The following PPP1CC variants were observed in gnomAD, a reference collection of about 807,000 sequenced individuals.
PPP1CC encodes the protein protein phosphatase 1 catalytic subunit gamma.
In PPP1CC, 16 loss-of-function variants were observed where a neutral mutation model predicts 38.4. The ratio of observed to expected loss-of-function variants is 0.42; its 90% CI spans 0.28 to 0.63. The LOEUF is 0.63. Among genes scored for constraint, PPP1CC ranks in the 30% least tolerant of loss-of-function variants. The pLI, the probability that PPP1CC is intolerant of heterozygous loss-of-function variation, is 0.25. For synonymous variants in PPP1CC, 158 were observed against 136.0 expected (o/e 1.16, Z -1.13); for missense variants, 170 against 391.3 (o/e 0.43, Z 4.77).
At position 110,722,225 on chromosome 12, in the gene PPP1CC, G is replaced by A. The variant is rs895354234; in HGVS notation, c.792C>T (p.Val264=). 18 of 1,613,998 alleles carry A rather than the reference G, an allele frequency of 1.1e-5. No individual in the cohort carries two copies. Among genetic ancestry groups the A allele is most frequent in the Non-Finnish European group, 1.5e-5 (18 of 1,180,018 alleles). ...AATAATTGGGCGCAGAAAACAGAGT[G>A]ACCAACTGCCTCTTTGCAAAAAATT... The part of the protein sequence containing the change: ...GYEFFAKRQL[V]TLFSAPNYCG... Residue 264 remains valine (V), a synonymous_variant, in exon 6 of 7, where the codon GTC becomes GTT. Coordinates refer to ENST00000335007, the MANE Select transcript of PPP1CC (RefSeq NM_002710.4). This position sits in a 1 kb window ranked among gnomAD's most constrained non-coding sequence, Gnocchi z 5.4.
intron 6 of PPP1CC, chr12:110,721,600 G>A: frequency 5.9e-6 from 1 of 168,272 alleles, no homozygotes; most frequent in Non-Finnish European, 1.3e-5. Flanking sequence ...CACATGATTT[G>A]GTGGCTGTAT....
chr12:110,722,489 T>A lies in PPP1CC; in HGVS notation c.730A>T (p.Ile244Leu), dbSNP rs751044958. ...ATCAATACCTGATGGGCTCTACATA[T>A]AAGATCCAAATCATGCTTATGGAGA... The part of the protein sequence containing the change: ...KFLHKHDLDL[I>L]CRAHQVVEDG... Residue 244 changes from isoleucine (I) to leucine (L), a missense_variant, in exon 5 of 7, where the codon ATA (isoleucine) becomes TTA (leucine). Around this residue, in one of 3 missense-constraint regions of PPP1CC, gnomAD observed 117 missense variants for 344.4 expected, o/e 0.34. Coordinates refer to ENST00000335007, the MANE Select transcript of PPP1CC (RefSeq NM_002710.4). The surrounding 1 kb of genome is among the most constrained non-coding windows in gnomAD (Gnocchi z 5.4). 6.2e-7 allele frequency: 1 copy of A among 1,614,132 alleles called. No homozygotes were observed. Among genetic ancestry groups the A allele is most frequent in the Non-Finnish European group, 8.5e-7 (1 of 1,180,000 alleles).
At chr12:110,718,589 A>G (rs1301847271), downstream of PPP1CC, among the ~76,000 whole-genome samples, 1 of 152,216 alleles carries the variant, frequency 6.6e-6, no homozygotes, top group African/African-American at 2.4e-5. Context: ...AGATGTGCAA[A>G]GACACGAAAG....
At chr12:110,715,933 T>C (rs961884534), downstream of PPP1CC, among the ~76,000 whole-genome samples, 2 of 150,754 alleles carry the variant, frequency 1.3e-5, no homozygotes, top group Non-Finnish European at 2.9e-5. Context: ...TATGCTACCT[T>C]CTTAGCACCA....
intron 3 of PPP1CC, among the ~76,000 whole-genome samples, chr12:110,730,231 T>C (rs545975384): frequency 1.3e-5 from 2 of 152,320 alleles, no homozygotes; most frequent in South Asian, 4.1e-4. Context: ...TGGTGATGCA[T>C]GTCTGCAGTC....
intron 1 of PPP1CC, among the ~76,000 whole-genome samples, chr12:110,735,512 T>C (rs1393177665): frequency 6.6e-6 from 1 of 152,216 alleles, no homozygotes; most frequent in Non-Finnish European, 1.5e-5. Flanking sequence ...TTGGGCACGG[T>C]GGCTCATGCC....
chr12:110,741,195 G>GTT (rs141619880), intron 1 of PPP1CC, among the ~76,000 whole-genome samples: 14 of 147,834 alleles, frequency 9.5e-5, no homozygotes, highest in African/African-American at 2.5e-4. Context: ...TTTTTTTGTT[G>GTT]TTTTTTTTTT....
chr12:110,722,210 C>G lies in PPP1CC; in HGVS notation c.807G>C (p.Ala269=). The G allele has an allele frequency of 6.2e-7, 1 of 1,614,102 alleles. No individual in the cohort carries two copies. Among genetic ancestry groups the G allele is most frequent in the Non-Finnish European group, 8.5e-7 (1 of 1,180,002 alleles). Residue 269 remains alanine, a synonymous_variant, in exon 6 of 7, where the codon GCG becomes GCC. Coordinates refer to ENST00000335007, the MANE Select transcript of PPP1CC (RefSeq NM_002710.4). This position sits in a 1 kb window ranked among gnomAD's most constrained non-coding sequence, Gnocchi z 5.4. ...TGTCAAACTCTCCGCAATAATTGGG[C>G]GCAGAAAACAGAGTGACCAACTGCC... ...AKRQLVTLFS[A]PNYCGEFDNA... is the part of the protein sequence containing the mutation.
intron 2 of PPP1CC, among the ~76,000 whole-genome samples, chr12:110,731,481 C>T (rs1349070493): frequency 6.6e-6 from 1 of 152,044 alleles, no homozygotes; most frequent in South Asian, 2.1e-4. Flanking sequence ...CCTATACATC[C>T]ATGTAGTTCA....
intron 4 of PPP1CC, among the ~76,000 whole-genome samples, chr12:110,724,084 A>G (rs1423078052): frequency 6.6e-6 from 1 of 151,956 alleles, no homozygotes; most frequent in African/African-American, 2.4e-5. Context: ...TAAAAATACA[A>G]AAAATTAGCC....
intron 4 of PPP1CC, among the ~76,000 whole-genome samples, chr12:110,723,151 G>A (rs960706965): frequency 1.3e-5 from 2 of 152,158 alleles, no homozygotes; most frequent in Non-Finnish European, 2.9e-5. Flanking sequence ...TTATTGTATC[G>A]AGTTACAATA....
chr12:110,741,950 C>A (rs1160182548), intron 1 of PPP1CC, among the ~76,000 whole-genome samples: 1 of 152,138 alleles, frequency 6.6e-6, no homozygotes, highest in Admixed American at 6.5e-5. Flanking sequence ...TAAGACAGAG[C>A]CTGGCACATT....
At chr12:110,723,412 T>A (rs1306897691) in intron 4 of PPP1CC, among the ~76,000 whole-genome samples, 2 of 152,246 alleles carry the variant, frequency 1.3e-5, no homozygotes, top group Non-Finnish European at 2.9e-5. Context: ...CTGATTAATT[T>A]CAGACCATAC....
Position 110,731,919 on chromosome 12 carries a change from C to T in PPP1CC, c.56-18G>A. 1.9e-6 allele frequency: 3 copies of T among 1,607,906 alleles called. No homozygotes were observed. The highest frequency in any genetic ancestry group is 2.6e-6 in the Non-Finnish European group (3 of 1,175,376). The stretch of plus-strand genomic sequence containing the variant: ...CCCTCTCACTGCAAGAGAAAAATCG[C>T]AATTAGTCCAATGAAGCCAAAATAC... On this transcript the variant is annotated intron_variant, in intron 1 of 6. Coordinates refer to ENST00000335007, the MANE Select transcript of PPP1CC (RefSeq NM_002710.4).
chr12:110,722,053 T>C lies in PPP1CC; in HGVS notation c.882+82A>G, dbSNP rs767909333. 8.9e-6 allele frequency: 14 copies of C among 1,574,800 alleles called. 1 individual carries two copies. The South Asian group carries it at 1.5e-4, about 17-fold the overall frequency. ...TAGCCTACTCAGCATAAGTGAACACTAGGCAAAAAGTAGCAATTATATTTT... is the reference window on the plus strand; with the variant it reads ...TAGCCTACTCAGCATAAGTGAACACCAGGCAAAAAGTAGCAATTATATTTT... On this transcript the variant is annotated intron_variant, in intron 6 of 6. Coordinates refer to ENST00000335007, the MANE Select transcript of PPP1CC (RefSeq NM_002710.4). This position sits in a 1 kb window ranked among gnomAD's most constrained non-coding sequence, Gnocchi z 5.4.
In PPP1CC at chr12:110,722,162, C is replaced by T; in HGVS notation, c.855G>A (p.Val285=). 6.2e-7 allele frequency: 1 copy of T among 1,614,172 alleles called. No homozygotes were observed. The highest frequency in any genetic ancestry group is 1.1e-5 in the South Asian group (1 of 91,076). ...GAAAAGAACACATTAGTGTTTCATC[C>T]ACACTCATCATGGCACCTGCATTGT... ...EFDNAGAMMS[V]DETLMCSFQI... The change falls in exon 6 of 7, where the codon GTG becomes GTA. Residue 285 remains valine, a synonymous_variant. Transcript: ENST00000335007. The surrounding 1 kb of genome is among the most constrained non-coding windows in gnomAD (Gnocchi z 5.4).
At chr12:110,738,395 C>T (rs1426019841) in intron 1 of PPP1CC, among the ~76,000 whole-genome samples, 2 of 152,202 alleles carry the variant, frequency 1.3e-5, no homozygotes, top group African/African-American at 4.8e-5. Context: ...AGAATATTAT[C>T]TCCTTCATAT....
downstream of PPP1CC, among the ~76,000 whole-genome samples, chr12:110,717,514 C>T (rs937196628): frequency 6.6e-6 from 1 of 152,174 alleles, no homozygotes; most frequent in Non-Finnish European, 1.5e-5. Flanking sequence ...CTGCCTCAGG[C>T]TCCTGAGTAA....
At chr12:110,715,120 G>C (rs556337464), downstream of PPP1CC, among the ~76,000 whole-genome samples, 21 of 152,046 alleles carry the variant, frequency 1.4e-4, no homozygotes, top group Middle Eastern at 0.02. Context: ...TGGGAGACAT[G>C]GTGTTTGATA....
Sources: gnomAD v4.1 joint callset for allele counts (sites outside exome capture counted in the v4.1 genomes callset) on GRCh38, gnomAD v4.1.1 for gene constraint, gnomAD v4.1.1 regional missense constraint, Gnocchi (gnomAD v3.1) non-coding constraint, MANE v1.5 for transcripts, NCBI Gene and HGNC (gene_info 2026-07-23, HGNC 2026-07-21) for gene names.